The following ABCB4 variants were observed in gnomAD, a reference collection of about 807,000 sequenced individuals.
The protein encoded by ABCB4 is ATP binding cassette subfamily B member 4.
In ABCB4, 76 loss-of-function variants were observed where a neutral mutation model predicts 145.7. That is an observed-to-expected ratio of 0.52 (90% CI 0.43 to 0.63). The LOEUF is 0.63. Among genes scored for constraint, ABCB4 ranks in the 30% least tolerant of loss-of-function variants. The pLI is 0.00. For missense variants in ABCB4, 1,234 were observed against 1,553.1 expected, an observed-to-expected ratio of 0.79 and a Z score of 3.45; for synonymous variants, 517 against 566.8, an observed-to-expected ratio of 0.91 and a Z score of 1.25.
chr7:87,396,797 G>GT (rs1398507797), downstream of ABCB4, among the ~76,000 whole-genome samples: 1 of 151,974 alleles, frequency 6.6e-6, no homozygotes, highest in Non-Finnish European at 1.5e-5. Flanking sequence ...AACCTATAAT[G>GT]TATGTAGACT....
At chr7:87,464,688 C>T (rs1049106095) in intron 3 of ABCB4, among the ~76,000 whole-genome samples, 12 of 152,118 alleles carry the variant, frequency 7.9e-5, no homozygotes, top group Admixed American at 2.6e-4. Flanking sequence ...TGTTAGAGCA[C>T]AGTTTTATCC....
Position 87,443,745 on chromosome 7 carries a change from C to T in ABCB4, c.1148G>A (p.Arg383Lys). 6.2e-7 allele frequency: 1 copy of T among 1,613,876 alleles called. No individual in the cohort carries two copies. The highest frequency in any genetic ancestry group is 8.5e-7 in the Non-Finnish European group (1 of 1,179,856). ...TTTGATGCTGTCTGGTTTGTGTCCT[C>T]TCTCTGAAAAACTGTCAATTTTAGG... ...NNPKIDSFSE[R>K]GHKPDSIKGN... Residue 383 changes from arginine to lysine, a missense_variant, in exon 11 of 28, where the codon AGA becomes AAA. Arg to Lys is a conservative substitution (Grantham distance 26, BLOSUM62 2). This residue lies in a region of ABCB4 where 467 missense variants were observed against 632.8 expected (regional missense o/e 0.74). Coordinates refer to ENST00000649586, the MANE Select transcript of ABCB4 (RefSeq NM_000443.4).
intron 23 of ABCB4, among the ~76,000 whole-genome samples, chr7:87,411,662 CTG>C (rs897913119): frequency 2.0e-5 from 3 of 152,154 alleles, no homozygotes; most frequent in East Asian, 1.9e-4. Context: ...ACAACTAAAA[CTG>C]TGCTTTCTGA....
At chr7:87,464,078 T>C (rs1260120912) in intron 3 of ABCB4, among the ~76,000 whole-genome samples, 3 of 152,120 alleles carry the variant, frequency 2.0e-5, no homozygotes, top group South Asian at 2.1e-4. Context: ...TCAGCCCCTT[T>C]TGGGGACAAA....
the ABCB4 span, chr7:87,377,416 C>T: frequency 1.2e-6 from 2 of 1,610,768 alleles, no homozygotes; most frequent in East Asian, 2.2e-5. Context: ...AACTTGATTT[C>T]CTTTTCTAAT....
At chr7:87,424,756 T>C (rs1445128802) in intron 16 of ABCB4, among the ~76,000 whole-genome samples, 3 of 152,200 alleles carry the variant, frequency 2.0e-5, no homozygotes, top group Middle Eastern at 3.2e-3. Context: ...AGGTAAAGAT[T>C]ATGTCTTTAT....
At chr7:87,439,116 T>C (rs947191926) in intron 14 of ABCB4, among the ~76,000 whole-genome samples, 1 of 152,164 alleles carries the variant, frequency 6.6e-6, no homozygotes, top group Non-Finnish European at 1.5e-5. Context: ...CACTTCAGCT[T>C]AGTAAAAATG....
chr7:87,463,605 T>C (rs1250929709), intron 3 of ABCB4, among the ~76,000 whole-genome samples: 1 of 152,160 alleles, frequency 6.6e-6, no homozygotes, highest in Non-Finnish European at 1.5e-5. Flanking sequence ...GAATTTAGGC[T>C]TAGAATAAGA....
the ABCB4 span, among the ~76,000 whole-genome samples, chr7:87,367,992 C>T: frequency 3.2e-3 from 483 of 152,302 alleles, 4 homozygotes; most frequent in Middle Eastern, 3.4e-3. Context: ...TTGCTTAAAA[C>T]CATCCATTGG....
Position 87,417,531 on chromosome 7 carries a change from C to T in ABCB4, c.2479-16G>A, listed in dbSNP as rs1260420063. Reference sequence around the variant, plus strand: ...TTCCTGTGGCCTGGGAGAGAAAAAGCACAAAGCAACTGTAGTTTTAAGCTC... The same window carrying T: ...TTCCTGTGGCCTGGGAGAGAAAAAGTACAAAGCAACTGTAGTTTTAAGCTC... On this transcript the variant is annotated splice_polypyrimidine_tract_variant and intron_variant, in intron 20 of 27. Coordinates refer to ENST00000649586, the MANE Select transcript of ABCB4 (RefSeq NM_000443.4). The T allele has an allele frequency of 3.7e-6, 6 of 1,610,646 alleles. No individual in the cohort carries two copies. The highest frequency in any genetic ancestry group is 5.1e-6 in the Non-Finnish European group (6 of 1,176,994).
the ABCB4 span, among the ~76,000 whole-genome samples, chr7:87,373,459 A>G: frequency 6.6e-6 from 1 of 152,122 alleles, no homozygotes; most frequent in Non-Finnish European, 1.5e-5. Flanking sequence ...TTGTTGTTAC[A>G]TGTGCTTTTG....
chr7:87,379,101 T>A, the ABCB4 span, among the ~76,000 whole-genome samples: 28 of 152,198 alleles, frequency 1.8e-4, no homozygotes, highest in African/African-American at 6.8e-4. Flanking sequence ...TTACCATTCC[T>A]TGCAAACTAC....
At chr7:87,470,625 G>C (rs140547046) in intron 3 of ABCB4, among the ~76,000 whole-genome samples, 40,012 of 152,056 alleles carry the variant, frequency 0.26, 6,302 homozygotes, top group African/African-American at 0.45. Context: ...AAATGCTCAT[G>C]ATCACTGGCC....
chr7:87,469,105 A>G (rs1208185461), intron 3 of ABCB4, among the ~76,000 whole-genome samples: 2 of 152,214 alleles, frequency 1.3e-5, no homozygotes, highest in African/African-American at 4.8e-5. Context: ...GCATATAAAC[A>G]GAACCAAAGA....
At chr7:87,427,103 AG>A (rs945273682) in intron 15 of ABCB4, among the ~76,000 whole-genome samples, 183 bp from the exon 16 acceptor site, 1 of 152,220 alleles carries the variant, frequency 6.6e-6, no homozygotes, top group Non-Finnish European at 1.5e-5. Flanking sequence ...TATAAAGTAT[AG>A]AAAGGTTAAA....
Position 87,422,143 on chromosome 7 carries a change from G to A in ABCB4, c.2294C>T (p.Ser765Phe). ...SLIFLFLGIISFFTFFLQGFT... is the reference protein window; with the variant it reads ...SLIFLFLGIIFFFTFFLQGFT... ...TACCTGAAGGAAGAAAGTAAAAAAAGAAATAATTCCCAGAAATAAGAAAAT... is the reference window on the plus strand; with the variant it reads ...TACCTGAAGGAAGAAAGTAAAAAAAAAAATAATTCCCAGAAATAAGAAAAT... Residue 765 changes from serine to phenylalanine, a missense_variant, in exon 18 of 28, where the codon TCT becomes TTT. Ser to Phe is a radical substitution (Grantham distance 155). Coordinates refer to ENST00000649586, the MANE Select transcript of ABCB4 (RefSeq NM_000443.4). 6.2e-7 allele frequency: 1 copy of A among 1,611,986 alleles called. No homozygotes were observed. Among genetic ancestry groups the A allele is most frequent in the Non-Finnish European group, 8.5e-7 (1 of 1,178,540 alleles).
intron 14 of ABCB4, among the ~76,000 whole-genome samples, chr7:87,436,244 T>A (rs1810600264): frequency 6.6e-6 from 1 of 151,552 alleles, no homozygotes; most frequent in Non-Finnish European, 1.5e-5. Flanking sequence ...AGGGCAAAAA[T>A]CAGAGTGTGT....
chr7:87,472,639 C>A lies in ABCB4; in HGVS notation c.117G>T (p.Met39Ile). 6.2e-7 allele frequency: 1 copy of A among 1,609,324 alleles called. No homozygotes were observed. Among genetic ancestry groups the A allele is most frequent in the South Asian group, 1.1e-5 (1 of 90,886 alleles). ...QKRKKTKTVK[M>I]IGVLTLFRYS... ...AGCTTACCAATGTTAATACTCCAAT[C>A]ATTTTCACTGTCTTCGTTTTTTTCC... Residue 39 changes from methionine to isoleucine, a missense_variant, in exon 3 of 28, where the codon ATG becomes ATT. By Grantham distance (10) the Met-to-Ile change is conservative (BLOSUM62 1). Around this residue, in one of 7 missense-constraint regions of ABCB4, gnomAD observed 77 missense variants for 73.3 expected, o/e 1.05. Transcript: ENST00000649586.
chr7:87,433,130 T>G (rs190767017), intron 14 of ABCB4, among the ~76,000 whole-genome samples: 26 of 152,152 alleles, frequency 1.7e-4, no homozygotes, highest in Non-Finnish European at 3.5e-4. Context: ...AAAGGTGAAT[T>G]ATACAATAAA....
Sources: gnomAD v4.1 joint callset for allele counts (sites outside exome capture counted in the v4.1 genomes callset) on GRCh38, gnomAD v4.1.1 for gene constraint, gnomAD v4.1.1 regional missense constraint, MANE v1.5 for transcripts, NCBI Gene and HGNC (gene_info 2026-07-23, HGNC 2026-07-21) for gene names.